The following PPRC1 variants were observed in gnomAD, a reference collection of about 807,000 sequenced individuals.
The protein encoded by PPRC1 is PPARG related coactivator 1.
Under a neutral mutation model 132.5 loss-of-function variants are expected in PPRC1, and 23 were observed. That is an observed-to-expected ratio of 0.17 (90% CI 0.12 to 0.25). The LOEUF is 0.25. Ranked by LOEUF, PPRC1 falls within the 10% of genes least tolerant of loss-of-function variation. The probability of loss-of-function intolerance (pLI) is 1.00; values close to 1 mark genes in which losing one functional copy is unlikely to be tolerated. For missense variants in PPRC1, 2,006 were observed against 2,089.1 expected (o/e 0.96, Z 0.78); for synonymous variants, 872 against 833.5 (o/e 1.05, Z -0.80).
chr10:102,126,780 TGTTGAATGATTACAGCAATTTTTATA>T, the PPRC1 span, among the ~76,000 whole-genome samples: 110 of 152,114 alleles, frequency 7.2e-4, no homozygotes, highest in African/African-American at 2.6e-3. Flanking sequence ...CTGTAACTTT[TGTTGAATGATTACAGCAATTTTTATA>T]GATCGTCCCT....
Position 102,141,898 on chromosome 10 carries a change from C to T in PPRC1, c.3390C>T (p.Pro1130=). ...CCACACCAAGGCAGAGCACTGTCCC[C>T]AAGCTGCCTGCTGTCCACCCAGCCC... ...AVPTPRQSTV[P]KLPAVHPARL... The change falls in exon 5 of 14, where the codon CCC becomes CCT. Residue 1130 remains proline, a synonymous_variant. Coordinates refer to ENST00000278070, the MANE Select transcript of PPRC1 (RefSeq NM_015062.5). 3.1e-6 allele frequency: 5 copies of T among 1,614,182 alleles called. No homozygotes were observed. Among genetic ancestry groups the T allele is most frequent in the Non-Finnish European group, 4.2e-6 (5 of 1,180,024 alleles).
upstream of PPRC1, among the ~76,000 whole-genome samples, chr10:102,128,953 G>A (rs1590303274): frequency 2.1e-5 from 2 of 95,532 alleles, no homozygotes; most frequent in Middle Eastern, 9.4e-3. Flanking sequence ...TTTTTGAGAC[G>A]GAGTCTCGCT....
At chr10:102,123,643 G>A in the PPRC1 span, among the ~76,000 whole-genome samples, 2 of 150,664 alleles carry the variant, frequency 1.3e-5, no homozygotes, top group East Asian at 2.0e-4. Context: ...TTCTCCCTAC[G>A]CCTCAGCCTC....
At chr10:102,128,654 C>T (rs2068497835), upstream of PPRC1, among the ~76,000 whole-genome samples, 1 of 150,922 alleles carries the variant, frequency 6.6e-6, no homozygotes, top group Non-Finnish European at 1.5e-5. Flanking sequence ...GCTGTGTCGC[C>T]CAGGCTGGAG....
At chr10:102,120,325 G>C in the PPRC1 span, 1 of 984,718 alleles carries the variant, frequency 1.0e-6, no homozygotes, top group African/African-American at 1.7e-5. Flanking sequence ...GAAGGCGAGC[G>C]GCCTCTGCGT....
rs1564943928 is a variant in PPRC1, at chr10:102,141,242, G to C, written c.2734G>C (p.Asp912His). Reference sequence around the variant, plus strand: ...ATTGTCTATGGGGCCAGTACTACCTGATCCGTTTACTCACTATGCCCCCTT... The same window carrying C: ...ATTGTCTATGGGGCCAGTACTACCTCATCCGTTTACTCACTATGCCCCCTT... Reference protein sequence around the residue: ...LPLSMGPVLPDPFTHYAPLPS... With the variant: ...LPLSMGPVLPHPFTHYAPLPS... Residue 912 changes from aspartate to histidine, a missense_variant, in exon 5 of 14, where the codon GAT (aspartate) becomes CAT (histidine). Physicochemically the swap from Asp to His is moderately conservative, Grantham distance 81. Coordinates refer to ENST00000278070, the MANE Select transcript of PPRC1 (RefSeq NM_015062.5). 2 of 1,613,924 alleles carry C rather than the reference G, an allele frequency of 1.2e-6. No individual in the cohort carries two copies. Among genetic ancestry groups the C allele is most frequent in the Non-Finnish European group, 1.7e-6 (2 of 1,179,984 alleles).
chr10:102,149,077 G>T, intron 12 of PPRC1, 101 bp from the exon 13 acceptor site: 1 of 1,524,430 alleles, frequency 6.6e-7, no homozygotes, highest in Non-Finnish European at 8.8e-7. Context: ...TTGGCCACTG[G>T]GAATGAGAAG....
the PPRC1 span, chr10:102,120,081 C>T: frequency 6.9e-7 from 1 of 1,441,970 alleles, no homozygotes. Context: ...GCACGCCCCA[C>T]TCACCAGGAC....
chr10:102,124,386 G>T, the PPRC1 span, among the ~76,000 whole-genome samples: 1 of 151,516 alleles, frequency 6.6e-6, no homozygotes, highest in East Asian at 1.9e-4. Flanking sequence ...TTCTTGTTGA[G>T]ACAGTCTCAC....
Position 102,141,097 on chromosome 10 carries a change from G to T in PPRC1, c.2589G>T (p.Gln863His), listed in dbSNP as rs745337054. 1.1e-5 allele frequency: 18 copies of T among 1,614,002 alleles called. No homozygotes were observed. In the South Asian group the frequency reaches 1.8e-4, roughly 16 times the overall value. Residue 863 changes from glutamine (Q) to histidine (H), a missense_variant, in exon 5 of 14, where the codon CAG becomes CAT. This residue lies in a region of PPRC1 where 1,914 missense variants were observed against 1,917.2 expected (regional missense o/e 1.00). Coordinates refer to ENST00000278070, the MANE Select transcript of PPRC1 (RefSeq NM_015062.5). ...TGGCGAGACCTTCCCCTCCTGTGCA[G>T]TCTGTGTCCCCTGCTGTGCCCACAC... ...PLLARPSPPV[Q>H]SVSPAVPTPP... is the part of the protein sequence containing the mutation.
intron 13 of PPRC1, 97 bp from the exon 14 acceptor site, chr10:102,149,829 T>TC: frequency 1.1e-6 from 1 of 909,636 alleles, no homozygotes; most frequent in Non-Finnish European, 1.8e-6. Context: ...CAGTTTTCAC[T>TC]CCATCCGTTT....
At chr10:102,130,129 C>CA (rs2068517798), upstream of PPRC1, among the ~76,000 whole-genome samples, 1 of 151,962 alleles carries the variant, frequency 6.6e-6, no homozygotes, top group Admixed American at 6.6e-5. Flanking sequence ...AATTAAGAAA[C>CA]AATTAGGCTG....
chr10:102,136,076 G>A (rs1023206749), intron 1 of PPRC1, among the ~76,000 whole-genome samples: 1 of 152,176 alleles, frequency 6.6e-6, no homozygotes, highest in Non-Finnish European at 1.5e-5. Context: ...GTAGGTAGGT[G>A]GTGGCAGAGC....
At chr10:102,149,867 C>T (rs2069435507) in intron 13 of PPRC1, 59 bp from the exon 14 acceptor site, 4 of 1,324,810 alleles carry the variant, frequency 3.0e-6, no homozygotes, top group Non-Finnish European at 4.4e-6. Flanking sequence ...TAGCCATTTG[C>T]AGACCCTGTG....
At chr10:102,146,450 A>AGG (rs1380701713) in intron 8 of PPRC1, among the ~76,000 whole-genome samples, 1 of 152,066 alleles carries the variant, frequency 6.6e-6, no homozygotes, top group Non-Finnish European at 1.5e-5. Context: ...TGAGAGGATG[A>AGG]GGGCTTCAGG....
rs1165232454 is a variant in PPRC1, at chr10:102,139,166, C to T, written c.658C>T (p.Pro220Ser). 1.2e-6 allele frequency: 2 copies of T among 1,613,808 alleles called. No homozygotes were observed. The highest frequency in any genetic ancestry group is 1.7e-5 in the Admixed American group (1 of 60,006). ...ACCCTCTTTCTTAGAGACCTCTTCC[C>T]CCAAGCTTCCTAGCTGGAGACCCCC... Reference protein sequence around the residue: ...SPPSFLETSSPKLPSWRPPRS... With the variant: ...SPPSFLETSSSKLPSWRPPRS... The change falls in exon 5 of 14, where the codon CCC becomes TCC. Residue 220 changes from proline (P) to serine (S), a missense_variant. Transcript: ENST00000278070.
chr10:102,147,318 C>G lies in PPRC1; in HGVS notation c.4326C>G (p.Ser1442=). 1.2e-6 allele frequency: 2 copies of G among 1,612,402 alleles called. No individual in the cohort carries two copies. The highest frequency in any genetic ancestry group is 2.2e-5 in the East Asian group (1 of 44,888). Residue 1442 remains serine, a synonymous_variant, in exon 9 of 14, where the codon TCC becomes TCG. Transcript: ENST00000278070. ...CCAACCGGACTAGCGAAGCATCTTCCTCATCCTCATCATCGTCTTCCTCAT... is the reference window on the plus strand; with the variant it reads ...CCAACCGGACTAGCGAAGCATCTTCGTCATCCTCATCATCGTCTTCCTCAT... ...SGSNRTSEAS[S]SSSSSSSSSR...
Position 102,140,233 on chromosome 10 carries a change from A to C in PPRC1, c.1725A>C (p.Ser575=). ...IQTNPIPTHL[S]LVDSAQASPM... ...CCAATCCTATACCAACCCATCTCTC[A>C]TTGGTCGACTCTGCCCAAGCCAGCC... Residue 575 remains serine (S), a synonymous_variant, in exon 5 of 14, where the codon TCA becomes TCC. Transcript: ENST00000278070. 6.2e-7 allele frequency: 1 copy of C among 1,614,140 alleles called. No individual in the cohort carries two copies. The highest frequency in any genetic ancestry group is 1.1e-5 in the South Asian group (1 of 91,086).
chr10:102,131,959 A>G (rs1246442640), upstream of PPRC1, among the ~76,000 whole-genome samples: 2 of 152,242 alleles, frequency 1.3e-5, no homozygotes, highest in Non-Finnish European at 2.9e-5. Context: ...AGCCACGGCC[A>G]GAAACAACTT....
Sources: gnomAD v4.1 joint callset for allele counts (sites outside exome capture counted in the v4.1 genomes callset) on GRCh38, gnomAD v4.1.1 for gene constraint, gnomAD v4.1.1 regional missense constraint, MANE v1.5 for transcripts, NCBI Gene and HGNC (gene_info 2026-07-23, HGNC 2026-07-21) for gene names.